KDSR: variants seen among roughly 807,000 people sequenced by gnomAD.
KDSR encodes the protein 3-dehydrosphinganine reductase.
KDSR carries 23 observed loss-of-function variants against 41.3 expected under a neutral mutation model. The ratio of observed to expected loss-of-function variants is 0.56; its 90% CI spans 0.40 to 0.79. The LOEUF (loss-of-function observed/expected upper bound fraction) is 0.79. Among genes scored for constraint, KDSR ranks in the 30% least tolerant of loss-of-function variants. The pLI, the probability that KDSR is intolerant of heterozygous loss-of-function variation, is 0.00. For missense variants in KDSR, 351 were observed against 416.8 expected (o/e 0.84, Z 1.37); for synonymous variants, 138 against 151.7 (o/e 0.91, Z 0.66).
Position 63,330,292 on chromosome 18 carries a change from C to A in KDSR, c.*1490G>T. 1 of 216,026 alleles carries A rather than the reference C, an allele frequency of 4.6e-6. No individual in the cohort carries two copies. The highest frequency in any genetic ancestry group is 9.3e-6 in the Non-Finnish European group (1 of 107,338). The allele number at this position is 216,026 out of a possible 1,614,324, so 13.4% of individuals were successfully genotyped here. A position where few individuals can be genotyped will look rare whatever the true frequency, so the allele number is the denominator to read the frequency against. ...CTTCAAAAACAGAGGTCTTTTCTCA[C>A]CGAAGTGATCTGGAATGTGCTACCG... On this transcript the variant is annotated 3_prime_UTR_variant, in exon 10 of 10. Coordinates refer to ENST00000645214, the MANE Select transcript of KDSR (RefSeq NM_002035.4).
chr18:63,340,129 G>A (rs886265633), intron 7 of KDSR, among the ~76,000 whole-genome samples: 17 of 152,200 alleles, frequency 1.1e-4, no homozygotes, highest in African/African-American at 4.1e-4. Flanking sequence ...CCCCCAACAA[G>A]TCTGCCCAAA....
At chr18:63,354,169 G>A (rs944885888) in intron 5 of KDSR, among the ~76,000 whole-genome samples, 7 of 151,982 alleles carry the variant, frequency 4.6e-5, no homozygotes, top group Admixed American at 2.0e-4. Flanking sequence ...TCTAGACGGC[G>A]CACACGAAGA....
chr18:63,363,365 T>TC (rs1162199230), intron 1 of KDSR, among the ~76,000 whole-genome samples: 1 of 88,814 alleles, frequency 1.1e-5, no homozygotes, highest in African/African-American at 4.5e-5. Context: ...ATGCTATCCC[T>TC]CCCCCCTCCC....
chr18:63,359,097 T>C lies in KDSR; in HGVS notation c.255+639A>G, dbSNP rs1188908537. Among the ~76,000 whole-genome samples the C allele has an allele frequency of 3.5e-5, 5 of 141,970 alleles. No homozygotes were observed. The East Asian group carries it at 1.1e-3, about 30-fold the overall frequency. The allele number at this position is 141,970 out of a possible 152,430, so 93.1% of individuals were successfully genotyped here. A position where few individuals can be genotyped will look rare whatever the true frequency, so the allele number is the denominator to read the frequency against. On this transcript the variant is annotated intron_variant, in intron 3 of 9. Transcript: ENST00000645214. ...GGGAGGCTGAGGTGGGAGGACTGCT[T>C]GAGCCCAGGAGGTCGAGGCTGCAGT...
intron 9 of KDSR, among the ~76,000 whole-genome samples, chr18:63,332,440 G>A (rs1037938537): frequency 5.9e-5 from 9 of 152,018 alleles, no homozygotes; most frequent in Non-Finnish European, 1.2e-4. Flanking sequence ...GCATGAACGC[G>A]GCTCACTATA....
At chr18:63,347,495 C>CAAAAAAAA (rs36023779) in intron 6 of KDSR, among the ~76,000 whole-genome samples, 20 of 56,962 alleles carry the variant, frequency 3.5e-4, no homozygotes, top group African/African-American at 1.0e-3. Flanking sequence ...GACTCCATCT[C>CAAAAAAAA]AAAAAAAAAA....
At chr18:63,340,148 G>GA (rs1361205017) in intron 7 of KDSR, among the ~76,000 whole-genome samples, 3 of 152,104 alleles carry the variant, frequency 2.0e-5, no homozygotes, top group Non-Finnish European at 4.4e-5. Flanking sequence ...AAATTTTACT[G>GA]AAAAAACCCC....
intron 5 of KDSR, among the ~76,000 whole-genome samples, chr18:63,352,129 C>T (rs753660593): frequency 2.0e-5 from 3 of 152,092 alleles, no homozygotes; most frequent in African/African-American, 4.8e-5. Context: ...TTTAATAATA[C>T]TTGCATTAAA....
chr18:63,346,413 T>G (rs1211212352), intron 6 of KDSR: 2 of 152,320 alleles, frequency 1.3e-5, no homozygotes, highest in Non-Finnish European at 2.9e-5. Context: ...GAGTGGTCAT[T>G]AGGCAGCCCA....
At chr18:63,347,359 G>C (rs1185568207) in intron 6 of KDSR, among the ~76,000 whole-genome samples, 1 of 151,810 alleles carries the variant, frequency 6.6e-6, no homozygotes, top group African/African-American at 2.4e-5. Context: ...AGCCGGGCAT[G>C]GTGGTGGGCA....
chr18:63,354,728 T>C (rs1011390026), intron 5 of KDSR, among the ~76,000 whole-genome samples: 7 of 152,196 alleles, frequency 4.6e-5, no homozygotes, highest in Admixed American at 1.3e-4. Context: ...TGAAATAAAT[T>C]ACCAAGAGAA....
At position 63,330,530 on chromosome 18, in the gene KDSR, TGG is replaced by T. The variant is rs1913948376; in HGVS notation, c.*1250_*1251del. The stretch of plus-strand genomic sequence containing the variant: ...TTCCAGGGCTACAGAGTTAGATGAG[TGG>T]GCTTCCTTAGCATGTGGTATAAAAA... On this transcript the variant is annotated 3_prime_UTR_variant, in exon 10 of 10. Coordinates refer to ENST00000645214, the MANE Select transcript of KDSR (RefSeq NM_002035.4). The T allele has an allele frequency of 4.3e-6, 1 of 231,944 alleles. No individual in the cohort carries two copies. Among genetic ancestry groups the T allele is most frequent in the African/African-American group, 2.2e-5 (1 of 45,268 alleles). 14.4% of individuals were successfully genotyped at this position (231,944 alleles called of 1,614,324 possible). A position where few individuals can be genotyped will look rare whatever the true frequency, so the allele number is the denominator to read the frequency against.
chr18:63,343,812 G>A (rs575181402), intron 7 of KDSR, among the ~76,000 whole-genome samples: 102 of 151,938 alleles, frequency 6.7e-4, no homozygotes, highest in African/African-American at 2.3e-3. Context: ...AGTAGGAATT[G>A]GGAATGGGAG....
intron 7 of KDSR, among the ~76,000 whole-genome samples, chr18:63,340,678 T>C (rs886722395): frequency 6.6e-6 from 1 of 152,200 alleles, no homozygotes; most frequent in African/African-American, 2.4e-5. Flanking sequence ...GATATGTCTG[T>C]TTTAAGTGCT....
intron 3 of KDSR, among the ~76,000 whole-genome samples, chr18:63,358,739 C>T (rs565424449): frequency 2.1e-4 from 28 of 135,952 alleles, no homozygotes; most frequent in African/African-American, 7.4e-4. Context: ...CGCTTGAACC[C>T]GAGAGGTGGA....
At chr18:63,354,190 C>T (rs1216942346) in intron 5 of KDSR, among the ~76,000 whole-genome samples, 1 of 152,078 alleles carries the variant, frequency 6.6e-6, no homozygotes, top group African/African-American at 2.4e-5. Context: ...CACCAACACA[C>T]TCCCCAGCTT....
At chr18:63,335,394 C>A (rs1436396250) in intron 8 of KDSR, 36 bp from the exon 9 acceptor site, 22 of 1,394,368 alleles carry the variant, frequency 1.6e-5, no homozygotes, top group Admixed American at 3.4e-5. Context: ...AGAGGGAATC[C>A]TAGTAATGTG....
intron 9 of KDSR, among the ~76,000 whole-genome samples, chr18:63,334,116 A>G (rs911832633): frequency 6.6e-6 from 1 of 152,254 alleles, no homozygotes; most frequent in East Asian, 1.9e-4. Flanking sequence ...AAGAGCTTAC[A>G]TCTAACACAG....
chr18:63,344,386 A>G, intron 7 of KDSR, 24 bp downstream of exon 7: 2 of 1,540,836 alleles, frequency 1.3e-6, no homozygotes, highest in Non-Finnish European at 1.8e-6. Context: ...TAGAGGTTCA[A>G]ATTGGGACAT....
Sources: gnomAD v4.1 joint callset for allele counts (sites outside exome capture counted in the v4.1 genomes callset) on GRCh38, gnomAD v4.1.1 for gene constraint, MANE v1.5 for transcripts, NCBI Gene and HGNC (gene_info 2026-07-23, HGNC 2026-07-21) for gene names.